SREK1: variants seen among roughly 807,000 people sequenced by gnomAD.
SREK1 encodes the protein splicing regulatory glutamic acid and lysine rich protein 1.
Under a neutral mutation model 66.5 loss-of-function variants are expected in SREK1, and 13 were observed. The observed-to-expected ratio is 0.20, with a 90% CI of 0.13 to 0.31. SREK1 has a LOEUF of 0.31. SREK1 is among the 10% of genes least tolerant of loss of function. The pLI, the probability that SREK1 is intolerant of heterozygous loss-of-function variation, is 1.00. For synonymous variants in SREK1, 265 were observed against 263.5 expected, an observed-to-expected ratio of 1.01 and a Z score of -0.05; for missense variants, 607 against 769.6, an observed-to-expected ratio of 0.79 and a Z score of 2.50.
chr5:66,163,727 A>C, intron 5 of SREK1, 65 bp from the exon 6 acceptor site: 1 of 1,521,444 alleles, frequency 6.6e-7, no homozygotes, highest in Non-Finnish European at 8.9e-7. Context: ...GTATCATATA[A>C]ATGTTTGTTT....
At position 66,170,759 on chromosome 5, in the gene SREK1, C is replaced by G. The variant is rs367942006; in HGVS notation, c.1296C>G (p.Asp432Glu). 1 of 1,598,370 alleles carries G rather than the reference C, an allele frequency of 6.3e-7. No homozygotes were observed. The highest frequency in any genetic ancestry group is 1.4e-5 in the African/African-American group (1 of 73,768). ...EKDREKDKEK[D>E]REREREKEHE... ...ACCGGGAAAAAGACAAGGAAAAGGA[C>G]AGAGAGAGAGAACGGGAAAAAGAGC... The change falls in exon 9 of 12, where the codon GAC becomes GAG. Residue 432 changes from aspartate to glutamate, a missense_variant. Around this residue, in one of 5 missense-constraint regions of SREK1, gnomAD observed 318 missense variants for 310.3 expected, o/e 1.02. Transcript: ENST00000334121.
chr5:66,173,482 G>A (rs1745815175), intron 9 of SREK1, among the ~76,000 whole-genome samples: 1 of 152,160 alleles, frequency 6.6e-6, no homozygotes, highest in African/African-American at 2.4e-5. Context: ...TTGAAAAACA[G>A]ATTAGGTTAA....
intron 7 of SREK1, chr5:66,168,196 A>C (rs896375393): frequency 5.0e-4 from 76 of 152,272 alleles, no homozygotes; most frequent in African/African-American, 1.6e-3. Context: ...GAGTAGTTTA[A>C]ATGGAAATTA....
Position 66,153,616 on chromosome 5 carries a change from TCCTC to T in SREK1, c.295+21_295+24del. On this transcript the variant is annotated intron_variant, in intron 2 of 11. Coordinates refer to ENST00000334121, the MANE Select transcript of SREK1 (RefSeq NM_001077199.3). ...CAGAAGGTTGGTATCTCGCTTTTTT[TCCTC>T]TTATTTGAATTTCTGTCCTGTCTGT... The T allele has an allele frequency of 1.2e-6, 2 of 1,613,870 alleles. No homozygotes were observed. The highest frequency in any genetic ancestry group is 1.7e-6 in the Non-Finnish European group (2 of 1,179,840).
intron 2 of SREK1, among the ~76,000 whole-genome samples, chr5:66,154,230 A>G (rs1465307735): frequency 6.6e-6 from 1 of 152,226 alleles, no homozygotes; most frequent in Non-Finnish European, 1.5e-5. Context: ...AGATAGGAAC[A>G]AAGGCCTTAA....
At position 66,170,151 on chromosome 5, in the gene SREK1, A is replaced by G; in HGVS notation, c.1102A>G (p.Arg368Gly). ...TAAATCAAGGGAGAGACGGAAGTCA[A>G]GGAGTCGTTCGCATTCACGGTGAGT... ...RSKSRERRKS[R>G]SRSHSRDKRK... is the part of the protein sequence containing the mutation. Residue 368 changes from arginine to glycine, a missense_variant, in exon 8 of 12, where the codon AGG (arginine) becomes GGG (glycine). By Grantham distance (125) the Arg-to-Gly change is moderately radical (BLOSUM62 -2). Coordinates refer to ENST00000334121, the MANE Select transcript of SREK1 (RefSeq NM_001077199.3). The G allele has an allele frequency of 6.2e-7, 1 of 1,612,164 alleles. No homozygotes were observed. The highest frequency in any genetic ancestry group is 2.2e-5 in the East Asian group (1 of 44,832).
At chr5:66,166,303 T>C (rs904283076) in intron 7 of SREK1, 2 of 152,138 alleles carry the variant, frequency 1.3e-5, no homozygotes, top group African/African-American at 2.4e-5. Flanking sequence ...ATTGTGTTGA[T>C]TGTAAGAGAG....
chr5:66,175,796 T>G (rs1402577718), intron 10 of SREK1, among the ~76,000 whole-genome samples: 1 of 152,150 alleles, frequency 6.6e-6, no homozygotes, highest in Non-Finnish European at 1.5e-5. Flanking sequence ...CCTGTTGGCC[T>G]TTTTGTTTCC....
chr5:66,179,305 G>A lies in SREK1; in HGVS notation c.*437G>A, dbSNP rs1163297459. 6.6e-6 allele frequency: 1 copy of A among 152,586 alleles called. No individual in the cohort carries two copies. Among genetic ancestry groups the A allele is most frequent in the Admixed American group, 6.5e-5 (1 of 15,272 alleles). 9.5% of individuals were successfully genotyped at this position (152,586 alleles called of 1,614,324 possible). A position where few individuals can be genotyped will look rare whatever the true frequency, so the allele number is the denominator to read the frequency against. On this transcript the variant is annotated 3_prime_UTR_variant, in exon 12 of 12. Transcript: ENST00000334121. ...TTCAATATATACAGTTTGATGATGT[G>A]CTTGAAATTGGTGCAAATATATACA...
At chr5:66,160,465 A>G (rs1038087110) in intron 3 of SREK1, among the ~76,000 whole-genome samples, 2 of 152,180 alleles carry the variant, frequency 1.3e-5, no homozygotes, top group African/African-American at 4.8e-5. Flanking sequence ...AATTGAACTT[A>G]TGTGTTCAAG....
rs185097986 is a variant in SREK1, at chr5:66,148,835, C to T, written c.161+4298C>T. Among the ~76,000 whole-genome samples, 382 of 151,910 alleles carry T rather than the reference C, an allele frequency of 2.5e-3. 3 individuals carry two copies. Among genetic ancestry groups the T allele is most frequent in the African/African-American group, 8.9e-3 (368 of 41,444 alleles). ...CCCTTTTTATGTGTTTTTTTTTCCC[C>T]CAAGGTCTTCTTCTGTTGCCCAGGC... On this transcript the variant is annotated intron_variant, in intron 1 of 11. Coordinates refer to ENST00000334121, the MANE Select transcript of SREK1 (RefSeq NM_001077199.3).
At chr5:66,151,711 A>G (rs1241406824) in intron 1 of SREK1, among the ~76,000 whole-genome samples, 1 of 152,150 alleles carries the variant, frequency 6.6e-6, no homozygotes, top group East Asian at 1.9e-4. Context: ...CCTCAGTGTC[A>G]GTACACAAGT....
chr5:66,158,796 T>C, intron 2 of SREK1: 1 of 1,288,956 alleles, frequency 7.8e-7, no homozygotes, highest in African/African-American at 1.5e-5. Flanking sequence ...TCTGATGTTC[T>C]GTGTGCTATT....
At chr5:66,150,431 G>A (rs1457306685) in intron 1 of SREK1, among the ~76,000 whole-genome samples, 2 of 152,220 alleles carry the variant, frequency 1.3e-5, no homozygotes, top group African/African-American at 4.8e-5. Context: ...AGACCCATAT[G>A]TTTGTGATGT....
chr5:66,153,126 A>G (rs1051242678), intron 1 of SREK1, among the ~76,000 whole-genome samples: 4 of 152,194 alleles, frequency 2.6e-5, no homozygotes, highest in Non-Finnish European at 4.4e-5. Flanking sequence ...GAGCTTTTAT[A>G]AAGGGATTTT....
chr5:66,165,140 A>G (rs998728325), intron 7 of SREK1: 11 of 334,880 alleles, frequency 3.3e-5, no homozygotes, highest in South Asian at 2.5e-4. Context: ...TTTTGTGTCT[A>G]AAGATACTCT....
chr5:66,144,312 C>G lies in SREK1; in HGVS notation c.-65C>G, dbSNP rs1742949349. ...CTCGCGGCCGCGCGTTCTCCGCTTT[C>G]CCGGCTCCGTCGCTGACGCGTCGTA... On this transcript the variant is annotated 5_prime_UTR_variant, in exon 1 of 12. Coordinates refer to ENST00000334121, the MANE Select transcript of SREK1 (RefSeq NM_001077199.3). 2 of 1,348,284 alleles carry G rather than the reference C, an allele frequency of 1.5e-6. No homozygotes were observed. The highest frequency in any genetic ancestry group is 1.5e-5 in the African/African-American group (1 of 66,644). The allele number at this position is 1,348,284 out of a possible 1,614,324, so 83.5% of individuals were successfully genotyped here.
rs992834697 is a variant in SREK1 at position 66,180,476 on chromosome 5, T to C, written c.*1608T>C. ...GGTTTCAACTTGAGTTTTCTTTTAA[T>C]GTTAATAAGATTGAAACTTTAGTAT... On this transcript the variant is annotated 3_prime_UTR_variant, in exon 12 of 12. Coordinates refer to ENST00000334121, the MANE Select transcript of SREK1 (RefSeq NM_001077199.3). The C allele has an allele frequency of 8.5e-5, 13 of 152,598 alleles. No homozygotes were observed. Among genetic ancestry groups the C allele is most frequent in the African/African-American group, 2.9e-4 (12 of 41,450 alleles). The allele number at this position is 152,598 out of a possible 1,614,324, so 9.5% of individuals were successfully genotyped here.
intron 3 of SREK1, among the ~76,000 whole-genome samples, chr5:66,161,015 G>GT (rs1010057926): frequency 2.6e-5 from 4 of 152,212 alleles, no homozygotes; most frequent in South Asian, 4.1e-4. Context: ...ATCATTCAAA[G>GT]TTTTTTTGAA....
Sources: allele counts gnomAD v4.1 joint callset (sites outside exome capture counted in the v4.1 genomes callset), GRCh38; gene constraint gnomAD v4.1.1; regional missense constraint gnomAD v4.1.1; transcripts MANE v1.5; gene names NCBI Gene and HGNC (gene_info 2026-07-23, HGNC 2026-07-21).